The following CHRM3 variants were observed in gnomAD, a reference collection of about 807,000 sequenced individuals.
The protein encoded by CHRM3 is muscarinic acetylcholine receptor M3.
CHRM3 carries 11 observed loss-of-function variants against 41.8 expected under a neutral mutation model. That is an observed-to-expected ratio of 0.26 (90% CI 0.17 to 0.44). The LOEUF (loss-of-function observed/expected upper bound fraction) is 0.44, where lower values mean the gene tolerates loss of function less well. Among genes scored for constraint, CHRM3 ranks in the 20% least tolerant of loss-of-function variants. The probability of loss-of-function intolerance (pLI) is 1.00; values close to 1 mark genes in which losing one functional copy is unlikely to be tolerated. For synonymous variants in CHRM3, 297 were observed against 301.4 expected, an observed-to-expected ratio of 0.99 and a Z score of 0.15; for missense variants, 571 against 745.4, an observed-to-expected ratio of 0.77 and a Z score of 2.72.
chr1:239,792,057 A>G (rs1475112974), intron 5 of CHRM3, among the ~76,000 whole-genome samples: 1 of 152,172 alleles, frequency 6.6e-6, no homozygotes, highest in Admixed American at 6.5e-5. Flanking sequence ...TTTCCTCATT[A>G]CCCTGCAGTG....
chr1:239,643,213 A>G (rs1039446670), intron 4 of CHRM3, among the ~76,000 whole-genome samples: 9 of 152,264 alleles, frequency 5.9e-5, no homozygotes, highest in East Asian at 1.9e-4. Context: ...TTGGGGGTCA[A>G]GGGTCAGGGA....
intron 5 of CHRM3, among the ~76,000 whole-genome samples, chr1:239,798,638 T>C (rs577762114): frequency 6.6e-6 from 1 of 152,276 alleles, no homozygotes; most frequent in South Asian, 2.1e-4. Context: ...CTCAACACTG[T>C]ACTGTCTTGG....
chr1:239,457,047 T>C (rs1006597462), intron 1 of CHRM3, among the ~76,000 whole-genome samples: 1 of 152,190 alleles, frequency 6.6e-6, no homozygotes, highest in African/African-American at 2.4e-5. Context: ...ATGAAACAGC[T>C]TGTTGCTGTC....
chr1:239,772,332 G>A (rs1054782349), intron 5 of CHRM3, among the ~76,000 whole-genome samples: 2 of 152,008 alleles, frequency 1.3e-5, no homozygotes, highest in African/African-American at 2.4e-5. Context: ...TTGTATTTTC[G>A]TAGAGATGAG....
chr1:239,693,755 CT>C (rs976947363), intron 5 of CHRM3, among the ~76,000 whole-genome samples: 6 of 152,072 alleles, frequency 3.9e-5, no homozygotes, highest in African/African-American at 1.2e-4. Context: ...TTGACCGTGT[CT>C]TATTAGAGTG....
intron 3 of CHRM3, among the ~76,000 whole-genome samples, chr1:239,574,977 G>T (rs774221753): frequency 6.6e-6 from 1 of 152,134 alleles, no homozygotes; most frequent in Admixed American, 6.5e-5. Context: ...CTCTAATGTT[G>T]CCAACAGAAT....
chr1:239,508,651 C>G (rs20437), intron 2 of CHRM3, among the ~76,000 whole-genome samples: 1 of 152,122 alleles, frequency 6.6e-6, no homozygotes, highest in African/African-American at 2.4e-5. Flanking sequence ...TACGTTCTTA[C>G]GAAATCAGCC....
intron 5 of CHRM3, among the ~76,000 whole-genome samples, chr1:239,796,470 T>C (rs535632909): frequency 6.6e-6 from 1 of 152,326 alleles, no homozygotes; most frequent in South Asian, 2.1e-4. Flanking sequence ...GTGTAACTTA[T>C]CACCTGTCTC....
chr1:239,459,932 C>T (rs549536901), intron 1 of CHRM3, among the ~76,000 whole-genome samples: 1 of 152,260 alleles, frequency 6.6e-6, no homozygotes, highest in African/African-American at 2.4e-5. Flanking sequence ...AAATAATGAT[C>T]ACGCATTAAC....
chr1:239,553,661 TC>T (rs1660078945), intron 3 of CHRM3, among the ~76,000 whole-genome samples: 1 of 152,206 alleles, frequency 6.6e-6, no homozygotes, highest in Non-Finnish European at 1.5e-5. Context: ...TTCTATCCCA[TC>T]CCGCTCCCAT....
At chr1:239,609,981 A>G (rs936852980) in intron 3 of CHRM3, among the ~76,000 whole-genome samples, 6 of 152,036 alleles carry the variant, frequency 3.9e-5, no homozygotes, top group African/African-American at 1.4e-4. Flanking sequence ...TCACGAGGTC[A>G]GGAGATCAAG....
At chr1:239,871,211 G>A (rs1676552039) in intron 6 of CHRM3, among the ~76,000 whole-genome samples, 1 of 152,076 alleles carries the variant, frequency 6.6e-6, no homozygotes, top group South Asian at 2.1e-4. Flanking sequence ...TATATCCTGT[G>A]TATAGGGTAT....
chr1:239,574,783 C>CT (rs1239672794), intron 3 of CHRM3, among the ~76,000 whole-genome samples: 1 of 151,820 alleles, frequency 6.6e-6, no homozygotes, highest in Non-Finnish European at 1.5e-5. Context: ...TCTTTTTCAT[C>CT]TTTTTTCTTC....
chr1:239,766,012 C>G (rs1667175672), intron 5 of CHRM3, among the ~76,000 whole-genome samples: 1 of 152,036 alleles, frequency 6.6e-6, no homozygotes, highest in South Asian at 2.1e-4. Flanking sequence ...GAGTGTTTCA[C>G]CATGTTGGCC....
At chr1:239,421,504 T>A (rs2103102358) in intron 1 of CHRM3, among the ~76,000 whole-genome samples, 1 of 152,344 alleles carries the variant, frequency 6.6e-6, no homozygotes, top group Non-Finnish European at 1.5e-5. Flanking sequence ...ACTTAAACAT[T>A]AAATCCCCCT....
intron 2 of CHRM3, among the ~76,000 whole-genome samples, chr1:239,544,816 A>G (rs1445384801): frequency 6.6e-6 from 1 of 152,218 alleles, no homozygotes; most frequent in Admixed American, 6.5e-5. Flanking sequence ...ATGTATCTTT[A>G]TATATCAACT....
At chr1:239,651,168 A>G (rs1410237617) in intron 4 of CHRM3, among the ~76,000 whole-genome samples, 1 of 152,154 alleles carries the variant, frequency 6.6e-6, no homozygotes, top group African/African-American at 2.4e-5. Context: ...AATAGCTAAC[A>G]TATTCTATTA....
intron 5 of CHRM3, among the ~76,000 whole-genome samples, chr1:239,731,836 C>A (rs1663995064): frequency 6.6e-6 from 1 of 151,962 alleles, no homozygotes; most frequent in South Asian, 2.1e-4. Context: ...CAGGGTTTGG[C>A]AGAGAAATGT....
chr1:239,567,886 G>A (rs1661496033), intron 3 of CHRM3, among the ~76,000 whole-genome samples: 1 of 152,084 alleles, frequency 6.6e-6, no homozygotes, highest in South Asian at 2.1e-4. Flanking sequence ...GGCTTTCTCT[G>A]GCTGCCTCCA....
Sources: allele counts gnomAD v4.1 joint callset (sites outside exome capture counted in the v4.1 genomes callset), GRCh38; gene constraint gnomAD v4.1.1; transcripts MANE v1.5; gene names NCBI Gene and HGNC (gene_info 2026-07-23, HGNC 2026-07-21).